CUL3: variants seen among roughly 807,000 people sequenced by gnomAD.
CUL3 encodes the protein cullin 3.
Under a neutral mutation model 89.1 loss-of-function variants are expected in CUL3, and 19 were observed. That is an observed-to-expected ratio of 0.21 (90% CI 0.15 to 0.31). The LOEUF is 0.31. Among genes scored for constraint, CUL3 ranks in the 10% least tolerant of loss-of-function variants. The pLI is 1.00. For missense variants in CUL3, 469 were observed against 942.3 expected, an observed-to-expected ratio of 0.50 and a Z score of 6.58; for synonymous variants, 351 against 308.4, an observed-to-expected ratio of 1.14 and a Z score of -1.45.
chr2:224,508,090 T>G (rs1338258286), intron 6 of CUL3, among the ~76,000 whole-genome samples: 2 of 145,592 alleles, frequency 1.4e-5, no homozygotes, highest in Non-Finnish European at 3.0e-5. Flanking sequence ...ATATAAATTT[T>G]CATGTGTAAA....
chr2:224,497,813 T>A lies in CUL3; in HGVS notation c.1647A>T (p.Thr549=). The stretch of plus-strand genomic sequence containing the variant: ...CTGCAGAACCCATATGATGCTGGAG[T>A]GTGAGCTGTCGACCACTGTGTTTGG... ...YLAKHSGRQL[T]LQHHMGSADL... Residue 549 remains threonine (T), a synonymous_variant, in exon 12 of 16, where the codon ACA becomes ACT. Coordinates refer to ENST00000264414, the MANE Select transcript of CUL3 (RefSeq NM_003590.5). 1 of 1,613,944 alleles carries A rather than the reference T, an allele frequency of 6.2e-7. No individual in the cohort carries two copies. The highest frequency in any genetic ancestry group is 1.1e-5 in the South Asian group (1 of 91,082).
intron 1 of CUL3, among the ~76,000 whole-genome samples, chr2:224,572,080 G>C (rs541036108): frequency 6.6e-6 from 1 of 152,260 alleles, no homozygotes; most frequent in South Asian, 2.1e-4. Flanking sequence ...TAATTAAATA[G>C]GCCAGTGTTA....
At chr2:224,480,980 T>A (rs1559337087) in intron 14 of CUL3, among the ~76,000 whole-genome samples, 3 of 152,080 alleles carry the variant, frequency 2.0e-5, no homozygotes. Context: ...CTACAAAGTA[T>A]ACATACGAAA....
At chr2:224,533,327 G>A (rs1391464280) in intron 3 of CUL3, among the ~76,000 whole-genome samples, 1 of 152,134 alleles carries the variant, frequency 6.6e-6, no homozygotes, top group Non-Finnish European at 1.5e-5. Context: ...TACATGAATT[G>A]TTCCACTGAA....
rs568992792 is a variant in CUL3, at chr2:224,540,574, C to T, written c.265-4933G>A. On this transcript the variant is annotated intron_variant, in intron 2 of 15. Transcript: ENST00000264414. The stretch of plus-strand genomic sequence containing the variant: ...TCCAGGACTAGGAAACCACTGGCTC[C>T]CACACTAGCCATTTCTGTCTCTTCC... 3.3e-5 allele frequency among the ~76,000 whole-genome samples: 5 copies of T among 152,218 alleles called. No homozygotes were observed. The East Asian group carries it at 9.6e-4, about 29-fold the overall frequency.
At chr2:224,532,606 G>C (rs1052895706) in intron 3 of CUL3, among the ~76,000 whole-genome samples, 1 of 152,100 alleles carries the variant, frequency 6.6e-6, no homozygotes, top group African/African-American at 2.4e-5. Context: ...GTGTATGAAA[G>C]ATGAGAAAAG....
rs1170641290 is a variant in CUL3 at position 224,471,618 on chromosome 2, A to ATT, written c.*2626_*2627insAA. On this transcript the variant is annotated 3_prime_UTR_variant, in exon 16 of 16. Transcript: ENST00000264414. ...ACAGGTGACTCTAGCATACCTTTAG[A>ATT]AAGGCATGCATCTCTTCCCCCATTC... is the stretch of plus-strand genomic sequence containing the variant. The ATT allele has an allele frequency of 4.8e-6, 1 of 209,356 alleles. No homozygotes were observed. The highest frequency in any genetic ancestry group is 9.7e-6 in the Non-Finnish European group (1 of 103,044). The allele number at this position is 209,356 out of a possible 1,614,324, so 13.0% of individuals were successfully genotyped here.
chr2:224,471,574 T>C lies in CUL3; in HGVS notation c.*2671A>G, dbSNP rs957198902. ...CATCAGCATCTTGGGGGTTTGATAG[T>C]ACATAATTACAATGCTACACAGGTG... is the stretch of plus-strand genomic sequence containing the variant. On this transcript the variant is annotated 3_prime_UTR_variant, in exon 16 of 16. Transcript: ENST00000264414. The C allele has an allele frequency of 5.0e-6, 1 of 199,246 alleles. No individual in the cohort carries two copies. The highest frequency in any genetic ancestry group is 1.0e-5 in the Non-Finnish European group (1 of 96,366). The allele number at this position is 199,246 out of a possible 1,614,324, so 12.3% of individuals were successfully genotyped here.
At chr2:224,577,050 A>G (rs138373488) in intron 1 of CUL3, among the ~76,000 whole-genome samples, 18 of 152,378 alleles carry the variant, frequency 1.2e-4, no homozygotes, top group South Asian at 4.1e-4. Flanking sequence ...GATCGCTAAA[A>G]TAAGTGTATG....
At chr2:224,522,014 T>C (rs1693284232) in intron 3 of CUL3, among the ~76,000 whole-genome samples, 1 of 151,602 alleles carries the variant, frequency 6.6e-6, no homozygotes, top group Non-Finnish European at 1.5e-5. Flanking sequence ...TATTAAATAC[T>C]TATTCTGCTA....
In CUL3 at chr2:224,511,541, T is replaced by C. The variant is rs1366380820; in HGVS notation, c.696A>G (p.Val232=). The change falls in exon 6 of 16, where the codon GTA becomes GTG. Residue 232 remains valine, a synonymous_variant. Transcript: ENST00000264414. ...QKFLAENSAS[V]YIKKVEARIN... ...TTCTAGCTTCTACTTTCTTTATATA[T>C]ACTGAAGCACTATTTTCTGCTAAAA... The C allele has an allele frequency of 6.8e-6, 11 of 1,608,506 alleles. No individual in the cohort carries two copies. The highest frequency in any genetic ancestry group is 1.1e-5 in the South Asian group (1 of 89,498).
chr2:224,473,209 T>C lies in CUL3; in HGVS notation c.*1036A>G. On this transcript the variant is annotated 3_prime_UTR_variant, in exon 16 of 16. Transcript: ENST00000264414. ...TTCATTAAAACTATCAAGGTCATCATATTTATTGCATCTTTAGATTGCATT... is the reference window on the plus strand; with the variant it reads ...TTCATTAAAACTATCAAGGTCATCACATTTATTGCATCTTTAGATTGCATT... 5.1e-6 allele frequency: 1 copy of C among 194,478 alleles called. No homozygotes were observed. The highest frequency in any genetic ancestry group is 8.1e-5 in the East Asian group (1 of 12,386). 12.0% of individuals were successfully genotyped at this position (194,478 alleles called of 1,614,324 possible). A position where few individuals can be genotyped will look rare whatever the true frequency, so the allele number is the denominator to read the frequency against.
intron 8 of CUL3, chr2:224,504,425 C>G (rs969756501): frequency 6.6e-6 from 1 of 152,426 alleles, no homozygotes; most frequent in African/African-American, 2.4e-5. Context: ...AATTCTCCTG[C>G]CTCAGCCTCC....
Position 224,569,651 on chromosome 2 carries a change from C to T in CUL3, c.67-11795G>A, listed in dbSNP as rs556178372. Reference sequence around the variant, plus strand: ...TATAAAAAATATAACCTTCAAAATGCCTGAATTTGAAAGGATGTCAGTCTA... The same window carrying T: ...TATAAAAAATATAACCTTCAAAATGTCTGAATTTGAAAGGATGTCAGTCTA... On this transcript the variant is annotated intron_variant, in intron 1 of 15. Coordinates refer to ENST00000264414, the MANE Select transcript of CUL3 (RefSeq NM_003590.5). 1.3e-5 allele frequency: 13 copies of T among 1,021,290 alleles called. No homozygotes were observed. The South Asian group carries it at 3.0e-4, about 23-fold the overall frequency. 63.3% of individuals were successfully genotyped at this position (1,021,290 alleles called of 1,614,324 possible). A position where few individuals can be genotyped will look rare whatever the true frequency, so the allele number is the denominator to read the frequency against.
chr2:224,516,507 G>A (rs1574648949), intron 3 of CUL3, among the ~76,000 whole-genome samples: 2 of 152,052 alleles, frequency 1.3e-5, no homozygotes, highest in African/African-American at 4.8e-5. Flanking sequence ...AGTAGAGACA[G>A]GGTTTCACCA....
intron 1 of CUL3, 39 bp downstream of exon 1, chr2:224,584,905 C>T (rs1695543403): frequency 2.1e-6 from 3 of 1,431,156 alleles, no homozygotes; most frequent in Non-Finnish European, 2.8e-6. Flanking sequence ...TCGGCCCGGC[C>T]CCCGGCCCCG....
At chr2:224,478,150 A>T (rs2106141993) in intron 15 of CUL3, 50 bp downstream of exon 15, 1 of 1,503,774 alleles carries the variant, frequency 6.6e-7, no homozygotes, top group Non-Finnish European at 8.9e-7. Flanking sequence ...TAATTTTGTT[A>T]ATAATGTTAC....
intron 3 of CUL3, among the ~76,000 whole-genome samples, chr2:224,527,886 G>A (rs1446121458): frequency 2.6e-5 from 4 of 152,122 alleles, no homozygotes; most frequent in African/African-American, 9.7e-5. Flanking sequence ...CCACACCCAA[G>A]AGGGAAAATT....
intron 8 of CUL3, 99 bp downstream of exon 8, chr2:224,505,857 G>T: frequency 1.3e-6 from 1 of 780,030 alleles, no homozygotes; most frequent in Non-Finnish European, 1.9e-6. Flanking sequence ...ACAGCAATGG[G>T]TCATGCTTAA....
Sources: gnomAD v4.1 joint callset for allele counts (sites outside exome capture counted in the v4.1 genomes callset) on GRCh38, gnomAD v4.1.1 for gene constraint, MANE v1.5 for transcripts, NCBI Gene and HGNC (gene_info 2026-07-23, HGNC 2026-07-21) for gene names.